CRB1: variants seen among roughly 807,000 people sequenced by gnomAD.
The protein encoded by CRB1 is crumbs cell polarity complex component 1, also known as protein crumbs homolog 1.
In CRB1, 83 loss-of-function variants were observed where a neutral mutation model predicts 120.0. The observed-to-expected ratio is 0.69, with a 90% CI of 0.58 to 0.83. The LOEUF (loss-of-function observed/expected upper bound fraction) is 0.83, where lower values mean the gene tolerates loss of function less well. Among genes scored for constraint, CRB1 ranks in the 40% least tolerant of loss-of-function variants. CRB1 has a pLI of 0.00. For synonymous variants in CRB1, 625 were observed against 612.5 expected (o/e 1.02, Z -0.30); for missense variants, 1,699 against 1,687.6 (o/e 1.01, Z -0.12).
intron 1 of CRB1, among the ~76,000 whole-genome samples, chr1:197,296,271 C>G (rs190937265): frequency 4.6e-5 from 7 of 152,122 alleles, no homozygotes; most frequent in African/African-American, 1.4e-4. Flanking sequence ...TGTTTTGCCT[C>G]AGAAAATTAC....
chr1:197,319,000 G>T (rs1658017213), intron 1 of CRB1, among the ~76,000 whole-genome samples: 1 of 151,844 alleles, frequency 6.6e-6, no homozygotes, highest in South Asian at 2.1e-4. Flanking sequence ...ACAAGCAAAT[G>T]ATAAATGTTA....
rs1343749430 is a variant in CRB1, at chr1:197,394,544, T to A, written c.1172-26456T>A. On this transcript the variant is annotated intron_variant, in intron 5 of 11. Transcript: ENST00000367400. ...CATAGATATTGTAAAACTACCTACA[T>A]TCACAATGATTAAAATAAGTTATAA... 3.9e-5 allele frequency among the ~76,000 whole-genome samples: 6 copies of A among 152,012 alleles called. No homozygotes were observed. The East Asian group carries it at 1.2e-3, about 29-fold the overall frequency.
Position 197,268,592 on chromosome 1 carries a change from G to A in CRB1, c.70+110G>A, listed in dbSNP as rs891847802. 7 of 910,810 alleles carry A rather than the reference G, an allele frequency of 7.7e-6. No individual in the cohort carries two copies. In the Admixed American group the frequency reaches 8.1e-5, roughly 11 times the overall value. The allele number at this position is 910,810 out of a possible 1,614,324, so 56.4% of individuals were successfully genotyped here. ...TCTATAAAATACAATGCTAAAAAAG[G>A]AAGTTTTTATTTGTTTTTTTTTTAA... is the stretch of plus-strand genomic sequence containing the variant. On this transcript the variant is annotated intron_variant, in intron 1 of 11. Transcript: ENST00000367400.
the CRB1 span, among the ~76,000 whole-genome samples, chr1:197,248,561 T>C: frequency 2.0e-5 from 3 of 152,036 alleles, no homozygotes; most frequent in African/African-American, 7.2e-5. Context: ...CTAATTGAGT[T>C]GAGAGTTGTC....
At chr1:197,245,784 G>C in the CRB1 span, among the ~76,000 whole-genome samples, 1 of 152,050 alleles carries the variant, frequency 6.6e-6, no homozygotes, top group Non-Finnish European at 1.5e-5. Context: ...CCTTGCTACT[G>C]GCAGGTCAGG....
chr1:197,449,570 G>A (rs1338609630), intron 11 of CRB1, among the ~76,000 whole-genome samples: 2 of 152,080 alleles, frequency 1.3e-5, no homozygotes, highest in Non-Finnish European at 2.9e-5. Context: ...ATTTCACCGT[G>A]TTAGCCAGGA....
intron 11 of CRB1, among the ~76,000 whole-genome samples, chr1:197,472,114 T>A (rs1170107718): frequency 6.6e-6 from 1 of 152,220 alleles, no homozygotes; most frequent in Admixed American, 6.5e-5. Context: ...GATGTAACAC[T>A]AAATACACAC....
At chr1:197,457,874 G>A (rs544388376) in intron 11 of CRB1, among the ~76,000 whole-genome samples, 73 of 152,200 alleles carry the variant, frequency 4.8e-4, no homozygotes, top group African/African-American at 1.7e-3. Context: ...TCACAAATAA[G>A]TTGTATACCT....
At chr1:197,424,679 T>C (rs1664494968) in intron 6 of CRB1, among the ~76,000 whole-genome samples, 1 of 152,204 alleles carries the variant, frequency 6.6e-6, no homozygotes, top group South Asian at 2.1e-4. Context: ...ATTGCGTCAC[T>C]TTGTATCATT....
upstream of CRB1, among the ~76,000 whole-genome samples, chr1:197,264,361 T>A (rs1384207308): frequency 6.6e-6 from 1 of 152,210 alleles, no homozygotes; most frequent in Non-Finnish European, 1.5e-5. Context: ...ATTTTCTTTA[T>A]CCAATCATCC....
At chr1:197,236,938 TA>T in the CRB1 span, among the ~76,000 whole-genome samples, 18 of 152,298 alleles carry the variant, frequency 1.2e-4, no homozygotes, top group Admixed American at 2.0e-4. Context: ...ATTTTATTGA[TA>T]TTTTTTGCAT....
At chr1:197,307,016 A>G (rs1657215113) in intron 1 of CRB1, among the ~76,000 whole-genome samples, 1 of 152,182 alleles carries the variant, frequency 6.6e-6, no homozygotes, top group Non-Finnish European at 1.5e-5. Flanking sequence ...GAAAATTTAG[A>G]TATTTTTACC....
intron 9 of CRB1, 59 bp downstream of exon 9, chr1:197,435,671 T>C: frequency 6.9e-7 from 1 of 1,445,078 alleles, no homozygotes; most frequent in Non-Finnish European, 9.6e-7. Context: ...ATCACTGTTC[T>C]TGTCAAATTG....
chr1:197,224,303 C>T, the CRB1 span, among the ~76,000 whole-genome samples: 14 of 152,140 alleles, frequency 9.2e-5, no homozygotes, highest in African/African-American at 3.4e-4. Context: ...AACACAATTA[C>T]ATTTAAAAGA....
chr1:197,246,997 G>T, the CRB1 span, among the ~76,000 whole-genome samples: 3 of 151,930 alleles, frequency 2.0e-5, no homozygotes, highest in African/African-American at 7.2e-5. Context: ...CAGATAGACT[G>T]TACTCAGTTT....
chr1:197,220,027 C>G, the CRB1 span, among the ~76,000 whole-genome samples: 9 of 152,294 alleles, frequency 5.9e-5, no homozygotes, highest in South Asian at 1.9e-3. Flanking sequence ...CTTGGTAACA[C>G]TTAACATAGC....
chr1:197,294,795 C>T (rs1156235355), intron 1 of CRB1, among the ~76,000 whole-genome samples: 1 of 152,088 alleles, frequency 6.6e-6, no homozygotes, highest in Non-Finnish European at 1.5e-5. Context: ...TCTCAGCAAA[C>T]TGTCGCAAGG....
intron 1 of CRB1, among the ~76,000 whole-genome samples, chr1:197,273,172 G>T (rs1321271429): frequency 1.3e-5 from 2 of 151,982 alleles, no homozygotes; most frequent in Non-Finnish European, 2.9e-5. Context: ...TGTTTTTGAT[G>T]ACCTTGAAGG....
At chr1:197,344,594 ATACTT>A (rs1659665283) in intron 3 of CRB1, 118 bp downstream of exon 3, 1 of 898,156 alleles carries the variant, frequency 1.1e-6, no homozygotes, top group Non-Finnish European at 1.8e-6. Flanking sequence ...GTGTAACTTT[ATACTT>A]TAACTGATGA....
Sources: allele counts gnomAD v4.1 joint callset (sites outside exome capture counted in the v4.1 genomes callset), GRCh38; gene constraint gnomAD v4.1.1; transcripts MANE v1.5; gene names NCBI Gene and HGNC (gene_info 2026-07-23, HGNC 2026-07-21).